The following TRIM9 variants were observed in gnomAD, a reference collection of about 807,000 sequenced individuals.
TRIM9 encodes E3 ubiquitin-protein ligase TRIM9.
Under a neutral mutation model 78.3 loss-of-function variants are expected in TRIM9, and 26 were observed. The observed-to-expected ratio is 0.33, with a 90% CI of 0.24 to 0.46. The LOEUF is 0.46. TRIM9 is among the 20% of genes least tolerant of loss of function. TRIM9 has a pLI of 1.00. For synonymous variants in TRIM9, 398 were observed against 416.5 expected, an observed-to-expected ratio of 0.96 and a Z score of 0.54; for missense variants, 787 against 1,036.4, an observed-to-expected ratio of 0.76 and a Z score of 3.30.
chr14:50,989,196 T>C lies in TRIM9; in HGVS notation c.1604-3052A>G, dbSNP rs552410686. ...ATCCTTTACTCTCCTGGTCATGCCC[T>C]CTGGACATGTTCAAAGGCATGAATC... On this transcript the variant is annotated intron_variant, in intron 7 of 12. Coordinates refer to ENST00000684578, the MANE Select transcript of TRIM9 (RefSeq NM_001387360.1). Among the ~76,000 whole-genome samples, 3 of 152,222 alleles carry C rather than the reference T, an allele frequency of 2.0e-5. No homozygotes were observed. In the South Asian group the frequency reaches 6.2e-4, roughly 31 times the overall value.
intron 1 of TRIM9, among the ~76,000 whole-genome samples, chr14:51,087,630 A>G (rs926187145): frequency 6.6e-6 from 1 of 152,062 alleles, no homozygotes; most frequent in Admixed American, 6.5e-5. Context: ...TGGCCATTTT[A>G]TAGATAACTC....
At chr14:51,024,839 G>A (rs750879814) in intron 2 of TRIM9, among the ~76,000 whole-genome samples, 1 of 152,074 alleles carries the variant, frequency 6.6e-6, no homozygotes, top group African/African-American at 2.4e-5. Context: ...AAAAAGGAAG[G>A]CAGGAAGGAA....
chr14:51,094,189 G>C lies in TRIM9; in HGVS notation c.751C>G (p.Gln251Glu). 1.2e-6 allele frequency: 2 copies of C among 1,614,256 alleles called. 1 individual carries two copies. The highest frequency in any genetic ancestry group is 2.2e-5 in the South Asian group (2 of 91,090). The change falls in exon 1 of 13, where the codon CAG becomes GAG. Residue 251 changes from glutamine (Q) to glutamate (E), a missense_variant. This residue lies in a region of TRIM9 where 352 missense variants were observed against 472.3 expected (regional missense o/e 0.75). Coordinates refer to ENST00000684578, the MANE Select transcript of TRIM9 (RefSeq NM_001387360.1). ...CVQCKMPVCY[Q>E]CLEEGKHSSH... ...GAGTGTTTGCCCTCCTCCAAGCACT[G>C]GTAGCACACGGGCATCTTGCATTGC...
At chr14:51,001,535 CTAA>C (rs372108643) in intron 5 of TRIM9, among the ~76,000 whole-genome samples, 326 of 152,226 alleles carry the variant, frequency 2.1e-3, no homozygotes, top group African/African-American at 7.5e-3. Context: ...GGCCGCTGTG[CTAA>C]TAATTTTATC....
chr14:51,041,938 T>A (rs141789479), intron 1 of TRIM9, among the ~76,000 whole-genome samples: 22 of 152,368 alleles, frequency 1.4e-4, no homozygotes, highest in African/African-American at 4.8e-4. Context: ...TGTAACCTTG[T>A]ATCGCCGAAT....
intron 1 of TRIM9, among the ~76,000 whole-genome samples, chr14:51,070,596 T>TG: frequency 6.6e-6 from 1 of 151,834 alleles, no homozygotes. Flanking sequence ...AACTCTGAAA[T>TG]GCTTCAATGA....
rs1433589450 is a variant in TRIM9 at position 50,975,732 on chromosome 14, G to T, written c.*1559C>A. Reference sequence around the variant, plus strand: ...TATTTGTTATTCTTGTTTTTTCATGGTGAATTTCTTGGCTCACTGAAAAAT... The same window carrying T: ...TATTTGTTATTCTTGTTTTTTCATGTTGAATTTCTTGGCTCACTGAAAAAT... On this transcript the variant is annotated 3_prime_UTR_variant, in exon 13 of 13. Transcript: ENST00000684578. 6.6e-6 allele frequency: 1 copy of T among 152,406 alleles called. No individual in the cohort carries two copies. The highest frequency in any genetic ancestry group is 2.4e-5 in the African/African-American group (1 of 41,358). The allele number at this position is 152,406 out of a possible 1,614,324, so 9.4% of individuals were successfully genotyped here. A position where few individuals can be genotyped will look rare whatever the true frequency, so the allele number is the denominator to read the frequency against.
chr14:51,065,209 T>C (rs544794359), intron 1 of TRIM9, among the ~76,000 whole-genome samples: 1 of 152,302 alleles, frequency 6.6e-6, no homozygotes, highest in Non-Finnish European at 1.5e-5. Flanking sequence ...TGCATATTGC[T>C]TCAATATGTG....
intron 1 of TRIM9, among the ~76,000 whole-genome samples, chr14:51,027,378 A>C (rs889704913): frequency 1.3e-5 from 2 of 152,052 alleles, no homozygotes; most frequent in African/African-American, 4.8e-5. Context: ...TCCTGACCTC[A>C]GGTGATCCAC....
intron 1 of TRIM9, among the ~76,000 whole-genome samples, chr14:51,045,782 T>G (rs73288892): frequency 0.027 from 4,041 of 152,284 alleles, 132 homozygotes; most frequent in African/African-American, 0.078. Context: ...TTATTTGTAA[T>G]AAATAATTTT....
At chr14:51,058,760 T>G (rs2061098281) in intron 1 of TRIM9, among the ~76,000 whole-genome samples, 1 of 152,230 alleles carries the variant, frequency 6.6e-6, no homozygotes, top group South Asian at 2.1e-4. Context: ...CAGCTACATA[T>G]GGTGTGACTC....
At chr14:50,997,500 C>T (rs906321277) in intron 7 of TRIM9, 14 of 985,642 alleles carry the variant, frequency 1.4e-5, no homozygotes, top group East Asian at 1.1e-4. Context: ...GGGTATGAAA[C>T]GGAGGCAGTC....
intron 3 of TRIM9, among the ~76,000 whole-genome samples, chr14:51,013,223 T>A (rs1323911901): frequency 8.9e-6 from 1 of 111,876 alleles, no homozygotes; most frequent in African/African-American, 3.6e-5. Flanking sequence ...AGTGTCTAAC[T>A]TCATTTTTTT....
intron 3 of TRIM9, among the ~76,000 whole-genome samples, chr14:51,015,729 C>T (rs965839691): frequency 6.6e-6 from 1 of 151,738 alleles, no homozygotes; most frequent in Non-Finnish European, 1.5e-5. Context: ...ATCCAGGCTG[C>T]TCTTGGTGTC....
At chr14:50,989,854 TTGGCTGGAG>T (rs1278271633) in intron 7 of TRIM9, among the ~76,000 whole-genome samples, 3 of 152,120 alleles carry the variant, frequency 2.0e-5, no homozygotes, top group African/African-American at 7.2e-5. Context: ...CTCACTAGGA[TTGGCTGGAG>T]TCTGGAGTTA....
At chr14:51,010,941 C>T (rs1042889369) in intron 3 of TRIM9, among the ~76,000 whole-genome samples, 3 of 152,144 alleles carry the variant, frequency 2.0e-5, no homozygotes, top group Non-Finnish European at 2.9e-5. Flanking sequence ...AAAGAGCAGA[C>T]ATCACCATCT....
chr14:51,005,479 G>A (rs757956242), intron 5 of TRIM9, among the ~76,000 whole-genome samples: 4 of 152,140 alleles, frequency 2.6e-5, no homozygotes, highest in Non-Finnish European at 5.9e-5. Context: ...TGAATCTTGG[G>A]ATTCTTTGTG....
intron 1 of TRIM9, among the ~76,000 whole-genome samples, chr14:51,066,114 AGGGAG>A (rs1225931824): frequency 2.3e-4 from 2 of 8,520 alleles, no homozygotes; most frequent in East Asian, 3.4e-3. Context: ...GGAGGGAGGG[AGGGAG>A]GGGAGGGGAG....
chr14:51,051,745 T>C (rs1442039428), intron 1 of TRIM9, among the ~76,000 whole-genome samples: 2 of 152,060 alleles, frequency 1.3e-5, no homozygotes, highest in African/African-American at 4.8e-5. Context: ...GGCGGGTAGA[T>C]CACTTGAGGT....
Sources: gnomAD v4.1 joint callset for allele counts (sites outside exome capture counted in the v4.1 genomes callset) on GRCh38, gnomAD v4.1.1 for gene constraint, gnomAD v4.1.1 regional missense constraint, MANE v1.5 for transcripts, NCBI Gene and HGNC (gene_info 2026-07-23, HGNC 2026-07-21) for gene names.